Variants in ERAP2 observed in about 807,000 individuals in gnomAD.
ERAP2 encodes the protein leukocyte-derived arginine aminopeptidase.
In ERAP2, 118 loss-of-function variants were observed where a neutral mutation model predicts 111.1. That is an observed-to-expected ratio of 1.06 (90% CI 0.92 to 1.24). ERAP2 has a LOEUF of 1.24. Ranked by LOEUF, ERAP2 falls within the 50% of genes most tolerant of loss-of-function variation. The probability of loss-of-function intolerance (pLI) is 0.00; values close to 1 mark genes in which losing one functional copy is unlikely to be tolerated. For missense variants in ERAP2, 1,131 were observed against 1,125.8 expected (o/e 1.00, Z -0.07); for synonymous variants, 410 against 401.2 (o/e 1.02, Z -0.26).
intron 3 of ERAP2, among the ~76,000 whole-genome samples, 175 bp from the exon 4 acceptor site, chr5:96,886,480 G>A (rs113668098): frequency 6.6e-6 from 1 of 152,126 alleles, no homozygotes; most frequent in Non-Finnish European, 1.5e-5. Context: ...TGGGGTAAAA[G>A]CAATGGAGGT....
intron 13 of ERAP2, among the ~76,000 whole-genome samples, chr5:96,904,911 A>C (rs1399183142): frequency 1.3e-5 from 2 of 152,206 alleles, no homozygotes; most frequent in Non-Finnish European, 2.9e-5. Context: ...TACAAATTTT[A>C]TATGAAAATT....
chr5:96,883,524 C>T (rs561931234), intron 2 of ERAP2, among the ~76,000 whole-genome samples: 1 of 152,332 alleles, frequency 6.6e-6, no homozygotes, highest in Non-Finnish European at 1.5e-5. Context: ...TTCAAGTTGT[C>T]TGAGCCTCAA....
In ERAP2 at chr5:96,912,795, T is replaced by C. The variant is rs151262056; in HGVS notation, c.2513T>C (p.Leu838Pro). The stretch of plus-strand genomic sequence containing the variant: ...ACGAGCAAGCATCAGGAAAAGTTAC[T>C]GAAGTAAGTTCAATAATTTAACTAA... ...LSTSKHQEKLLKLIELGMEGK... is the reference protein window; with the variant it reads ...LSTSKHQEKLPKLIELGMEGK... Residue 838 changes from leucine to proline, a missense_variant, in exon 16 of 19, where the codon CTG becomes CCG. Leu to Pro is a moderately conservative substitution (Grantham distance 98). Transcript: ENST00000437043. 2 of 1,592,504 alleles carry C rather than the reference T, an allele frequency of 1.3e-6. No individual in the cohort carries two copies. The highest frequency in any genetic ancestry group is 2.7e-5 in the African/African-American group (2 of 73,224).
At chr5:96,884,121 G>T (rs1344366625) in intron 3 of ERAP2, among the ~76,000 whole-genome samples, 191 bp downstream of exon 3, 1 of 148,072 alleles carries the variant, frequency 6.8e-6, no homozygotes, top group African/African-American at 2.5e-5. Context: ...ACATCATTCT[G>T]TTTGGGGCAT....
At chr5:96,898,087 T>TC (rs967241483) in intron 9 of ERAP2, among the ~76,000 whole-genome samples, 8 of 152,146 alleles carry the variant, frequency 5.3e-5, no homozygotes, top group Non-Finnish European at 1.0e-4. Context: ...TCCCAGCTAT[T>TC]CGTGAGGCTA....
chr5:96,895,176 T>G, intron 6 of ERAP2, 70 bp from the exon 7 acceptor site: 1 of 860,972 alleles, frequency 1.2e-6, no homozygotes, highest in Non-Finnish European at 1.8e-6. Flanking sequence ...TAGTAACTAT[T>G]GTATTTTTTG....
chr5:96,876,621 G>C (rs1561350986), intron 1 of ERAP2, 94 bp downstream of exon 1: 1 of 152,356 alleles, frequency 6.6e-6, no homozygotes, highest in African/African-American at 2.4e-5. Context: ...GTGTTGAGAA[G>C]GTTTTGTAAT....
At chr5:96,890,413 G>A (rs889607665) in intron 5 of ERAP2, among the ~76,000 whole-genome samples, 1 of 152,188 alleles carries the variant, frequency 6.6e-6, no homozygotes, top group Non-Finnish European at 1.5e-5. Flanking sequence ...AGGCAGTCAT[G>A]CTCTCTCGCC....
rs78777847 is a variant in ERAP2 at position 96,883,569 on chromosome 5, G to A, written c.576-223G>A. Reference sequence around the variant, plus strand: ...TTGACCTGAGTATGAATGAAATAATGTAATTAGCATTCCCAAAACAGGGCA... The same window carrying A: ...TTGACCTGAGTATGAATGAAATAATATAATTAGCATTCCCAAAACAGGGCA... On this transcript the variant is annotated intron_variant, in intron 2 of 18. Transcript: ENST00000437043. 3.2e-4 allele frequency among the ~76,000 whole-genome samples: 49 copies of A among 152,278 alleles called. No individual in the cohort carries two copies. The East Asian group carries it at 4.8e-3, about 15-fold the overall frequency.
intron 9 of ERAP2, among the ~76,000 whole-genome samples, chr5:96,898,433 T>C (rs980199279): frequency 1.3e-5 from 2 of 151,928 alleles, no homozygotes; most frequent in Admixed American, 6.6e-5. Context: ...TTCAAATACA[T>C]AGTTTTTACT....
Position 96,900,161 on chromosome 5 carries a change from AT to A in ERAP2, c.1546del (p.Ser516ArgfsTer5), listed in dbSNP as rs774582830. The A allele has an allele frequency of 3.1e-6, 5 of 1,613,910 alleles. No homozygotes were observed. The highest frequency in any genetic ancestry group is 4.2e-6 in the Non-Finnish European group (5 of 1,179,870). ...GATTTTACATCTGGTGGAGTTTGTCATTCGGATCCCAAGATGACAAGTAACA... is the reference window on the plus strand; with the variant it reads ...GATTTTACATCTGGTGGAGTTTGTCATCGGATCCCAAGATGACAAGTAACA... ...ESDFTSGGVCHSDPKMTSNML... is the reference protein window; with the variant it reads ...ESDFTSGGVCXSDPKMTSNML... On this transcript the variant is annotated frameshift_variant, in exon 10 of 19. Transcript: ENST00000437043. LOFTEE classifies it high-confidence loss of function.
chr5:96,896,965 T>TAAGTCATATGTTGGATAACGATAGACTG, intron 9 of ERAP2, 102 bp downstream of exon 9: 1 of 987,684 alleles, frequency 1.0e-6, no homozygotes, highest in Non-Finnish European at 1.4e-6. Context: ...GTCAACCATA[T>TAAGTCATATGTTGGATAACGATAGACTG]TTATTCTGCT....
intron 16 of ERAP2, 105 bp from the exon 17 acceptor site, chr5:96,913,212 A>T: frequency 1.2e-6 from 1 of 864,142 alleles, no homozygotes; most frequent in Non-Finnish European, 1.7e-6. Context: ...TTATACTTTT[A>T]TCATGCCTCT....
intron 13 of ERAP2, among the ~76,000 whole-genome samples, chr5:96,905,776 T>G (rs926248733): frequency 3.3e-5 from 5 of 152,010 alleles, no homozygotes; most frequent in Admixed American, 2.6e-4. Context: ...CCCAGCTACT[T>G]GGGTGGCTGA....
At position 96,879,631 on chromosome 5, in the gene ERAP2, T is replaced by G; in HGVS notation, c.-55T>G. 6.8e-7 allele frequency: 1 copy of G among 1,470,440 alleles called. No homozygotes were observed. Among genetic ancestry groups the G allele is most frequent in the Non-Finnish European group, 9.4e-7 (1 of 1,058,432 alleles). 91.1% of individuals were successfully genotyped at this position (1,470,440 alleles called of 1,614,324 possible). A position where few individuals can be genotyped will look rare whatever the true frequency, so the allele number is the denominator to read the frequency against. On this transcript the variant is annotated 5_prime_UTR_variant, in exon 2 of 19. The change abolishes an upstream ATG in the 5' untranslated region. Transcript: ENST00000437043. Reference sequence around the variant, plus strand: ...CATAACTGGAGCCAGTGCAGTGCCATGAAGAACTACGAGATTAGCCTGGAT... The same window carrying G: ...CATAACTGGAGCCAGTGCAGTGCCAGGAAGAACTACGAGATTAGCCTGGAT...
At chr5:96,889,447 A>G in intron 5 of ERAP2, 142 bp downstream of exon 5, 1 of 923,642 alleles carries the variant, frequency 1.1e-6, no homozygotes, top group Non-Finnish European at 1.8e-6. Flanking sequence ...TTCCTCAGAG[A>G]TGATTCTTGA....
intron 13 of ERAP2, among the ~76,000 whole-genome samples, chr5:96,905,672 C>G (rs1261099164): frequency 6.6e-6 from 1 of 152,066 alleles, no homozygotes; most frequent in African/African-American, 2.4e-5. Context: ...TCACTTGAAG[C>G]CAGGAGTTTG....
At chr5:96,901,726 T>A (rs1785493061) in intron 11 of ERAP2, 45 bp downstream of exon 11, 1 of 1,580,244 alleles carries the variant, frequency 6.3e-7, no homozygotes, top group Admixed American at 1.8e-5. Flanking sequence ...CATCTCAGTT[T>A]CCTCGTTATT....
At chr5:96,894,924 A>G (rs900047735) in intron 6 of ERAP2, among the ~76,000 whole-genome samples, 2 of 152,062 alleles carry the variant, frequency 1.3e-5, no homozygotes, top group Non-Finnish European at 2.9e-5. Context: ...GAAAAAAACT[A>G]CCTCCATAAA....
Sources: gnomAD v4.1 joint callset for allele counts (sites outside exome capture counted in the v4.1 genomes callset) on GRCh38, gnomAD v4.1.1 for gene constraint, MANE v1.5 for transcripts, NCBI Gene and HGNC (gene_info 2026-07-23, HGNC 2026-07-21) for gene names.